Variants in CASK observed in about 807,000 individuals in gnomAD.
The protein encoded by CASK is calcium/calmodulin dependent serine protein kinase, also known as peripheral plasma membrane protein CASK.
A neutral mutation model predicts 82.9 loss-of-function variants in CASK; 4 were observed. That is an observed-to-expected ratio of 0.05 (90% CI 0.02 to 0.11). The LOEUF (loss-of-function observed/expected upper bound fraction) is 0.11, where lower values mean the gene tolerates loss of function less well. CASK is among the 10% of genes least tolerant of loss of function. The pLI, the probability that CASK is intolerant of heterozygous loss-of-function variation, is 1.00. For missense variants in CASK, 358 were observed against 720.9 expected, an observed-to-expected ratio of 0.50 and a Z score of 5.76; for synonymous variants, 259 against 253.5, an observed-to-expected ratio of 1.02 and a Z score of -0.20.
intron 1 of CASK, among the ~76,000 whole-genome samples, chrX:41,890,717 T>C (rs2072149891): frequency 9.0e-6 from 1 of 111,329 alleles, no homozygotes; most frequent in African/African-American, 3.3e-5. Flanking sequence ...ATTCCCTCTG[T>C]AGAAACCTAA....
chrX:41,726,353 G>A (rs1454614908), intron 5 of CASK, among the ~76,000 whole-genome samples: 2 of 111,841 alleles, frequency 1.8e-5, no homozygotes, highest in Non-Finnish European at 3.8e-5. Flanking sequence ...TAATGACCCT[G>A]GGATTTTGGA....
At chrX:41,572,408 A>AT (rs1308683071) in intron 15 of CASK, among the ~76,000 whole-genome samples, 4 of 110,640 alleles carry the variant, frequency 3.6e-5, no homozygotes, top group Non-Finnish European at 5.7e-5. Flanking sequence ...TCTTTGTATT[A>AT]TTTTTTATTC....
At chrX:41,716,862 A>C in intron 5 of CASK, among the ~76,000 whole-genome samples, 1 of 111,517 alleles carries the variant, frequency 9.0e-6, no homozygotes, top group African/African-American at 3.3e-5. Flanking sequence ...GTCAGATACA[A>C]TCAGTTTCTC....
At chrX:41,728,379 T>G (rs1382436324) in intron 5 of CASK, 3 of 142,456 alleles carry the variant, frequency 2.1e-5, no homozygotes, top group Non-Finnish European at 4.5e-5. Context: ...GTTTATGACT[T>G]GTCTGCTTTC....
intron 12 of CASK, among the ~76,000 whole-genome samples, chrX:41,609,078 AGG>A (rs2066000734): frequency 8.9e-6 from 1 of 112,191 alleles, no homozygotes; most frequent in Non-Finnish European, 1.9e-5. Flanking sequence ...GTAGCCTGCT[AGG>A]CTCTGTTGCA....
chrX:41,660,564 G>A lies in CASK; in HGVS notation c.709-3C>T, dbSNP rs2067016459. On this transcript the variant is annotated splice_region_variant and splice_polypyrimidine_tract_variant and intron_variant, in intron 7 of 26. Coordinates refer to ENST00000378163, the MANE Select transcript of CASK (RefSeq NM_001367721.1). ...TGGCTCCACTGCCTTGGATTCATCT[G>A]AGGAGGAGGAAAGGAAAACTACATA... The A allele has an allele frequency of 7.5e-6, 9 of 1,203,494 alleles. No homozygotes were observed. Among genetic ancestry groups the A allele is most frequent in the African/African-American group, 5.2e-5 (3 of 57,671 alleles).
At chrX:41,810,177 C>G (rs768545820) in intron 2 of CASK, among the ~76,000 whole-genome samples, 1 of 112,230 alleles carries the variant, frequency 8.9e-6, no homozygotes, top group African/African-American at 3.2e-5. Flanking sequence ...AGGATATTAT[C>G]CAGGAGAACT....
chrX:41,891,382 A>G (rs906470577), intron 1 of CASK, among the ~76,000 whole-genome samples: 1 of 111,318 alleles, frequency 9.0e-6, no homozygotes, highest in African/African-American at 3.3e-5. Flanking sequence ...CACTCAGATT[A>G]CAGCTCATTA....
intron 5 of CASK, among the ~76,000 whole-genome samples, chrX:41,687,360 T>C (rs898690282): frequency 2.7e-5 from 3 of 111,970 alleles, no homozygotes; most frequent in African/African-American, 9.7e-5. Context: ...CAGTGGAATA[T>C]AATGCAGTTT....
intron 1 of CASK, among the ~76,000 whole-genome samples, chrX:41,880,640 G>A (rs1355951906): frequency 8.9e-6 from 1 of 111,833 alleles, no homozygotes; most frequent in African/African-American, 3.2e-5. Flanking sequence ...TACACATGCA[G>A]TAATATGTAT....
intron 10 of CASK, among the ~76,000 whole-genome samples, chrX:41,624,855 G>A (rs1038554281): frequency 1.4e-4 from 16 of 111,369 alleles, no homozygotes; most frequent in Non-Finnish European, 2.8e-4. Context: ...TCAGGCTTTA[G>A]GAAGGGCCCA....
chrX:41,800,895 C>T (rs957927142), intron 2 of CASK, among the ~76,000 whole-genome samples: 4 of 111,747 alleles, frequency 3.6e-5, no homozygotes, highest in Non-Finnish European at 7.5e-5. Flanking sequence ...AATCAGCTAT[C>T]GATTGGTTAA....
chrX:41,898,496 C>CT (rs1032730070), intron 1 of CASK, among the ~76,000 whole-genome samples: 1 of 110,640 alleles, frequency 9.0e-6, no homozygotes, highest in African/African-American at 3.3e-5. Flanking sequence ...TTAGTTTGTT[C>CT]TTTTTCTAGT....
At chrX:41,619,118 T>C (rs149169245) in intron 11 of CASK, among the ~76,000 whole-genome samples, 1,561 of 110,940 alleles carry the variant, frequency 0.014, 13 homozygotes, top group South Asian at 0.024. Context: ...GCGTGATGCC[T>C]AATTTCTGTT....
rs1270555992 is a variant in CASK at position 41,642,161 on chromosome X, T to C, written c.832-5500A>G. On this transcript the variant is annotated intron_variant, in intron 8 of 26. Coordinates refer to ENST00000378163, the MANE Select transcript of CASK (RefSeq NM_001367721.1). ...AGTCTATCAATGATGGACATTTGGG[T>C]TGGTTCCAAGTCTTTGCTATTGTGA... Among the ~76,000 whole-genome samples the C allele has an allele frequency of 6.3e-5, 7 of 111,241 alleles. No homozygotes were observed. In the East Asian group the frequency reaches 1.7e-3, roughly 27 times the overall value.
At chrX:41,734,460 A>C in intron 5 of CASK, among the ~76,000 whole-genome samples, 1 of 111,477 alleles carries the variant, frequency 9.0e-6, no homozygotes, top group East Asian at 2.8e-4. Context: ...CTTTTAATTT[A>C]GGGGTGAGAG....
At chrX:41,706,582 A>T (rs1299827514) in intron 5 of CASK, among the ~76,000 whole-genome samples, 1 of 112,147 alleles carries the variant, frequency 8.9e-6, no homozygotes, top group African/African-American at 3.2e-5. Context: ...AGGTAAAGGG[A>T]GAGGATTTAT....
intron 12 of CASK, among the ~76,000 whole-genome samples, chrX:41,598,134 GACACACACAC>G (rs757204318): frequency 1.0e-5 from 1 of 99,920 alleles, no homozygotes; most frequent in Non-Finnish European, 2.0e-5. Context: ...CTGAGGCCCT[GACACACACAC>G]ACACACACAC....
At chrX:41,709,762 G>A (rs183756191) in intron 5 of CASK, among the ~76,000 whole-genome samples, 1 of 111,380 alleles carries the variant, frequency 9.0e-6, no homozygotes, top group African/African-American at 3.3e-5. Flanking sequence ...TGCTTGGGGC[G>A]CTTAAGAGAA....
Sources: gnomAD v4.1 joint callset for allele counts (sites outside exome capture counted in the v4.1 genomes callset) on GRCh38, gnomAD v4.1.1 for gene constraint, MANE v1.5 for transcripts, NCBI Gene and HGNC (gene_info 2026-07-23, HGNC 2026-07-21) for gene names.